Variants in ERBB4 observed in about 807,000 individuals in gnomAD.
ERBB4 encodes the protein receptor tyrosine-protein kinase erbB-4.
ERBB4 carries 42 observed loss-of-function variants against 158.0 expected under a neutral mutation model. The ratio of observed to expected loss-of-function variants is 0.27; its 90% confidence interval spans 0.21 to 0.34. ERBB4 has a LOEUF of 0.34. ERBB4 is among the 10% of genes least tolerant of loss of function. The pLI, the probability that ERBB4 is intolerant of heterozygous loss-of-function variation, is 1.00. For missense variants in ERBB4, 1,333 were observed against 1,624.1 expected, an observed-to-expected ratio of 0.82 and a Z score of 3.08; for synonymous variants, 583 against 558.7, an observed-to-expected ratio of 1.04 and a Z score of -0.61.
intron 19 of ERBB4, among the ~76,000 whole-genome samples, chr2:211,579,124 C>A (rs1273409738): frequency 6.6e-6 from 1 of 151,890 alleles, no homozygotes; most frequent in African/African-American, 2.4e-5. Context: ...AACAATCCCA[C>A]TAAAAAGTGG....
rs1457979367 is a variant in ERBB4 at position 212,301,719 on chromosome 2, C to A, written c.83-176816G>T. Among the ~76,000 whole-genome samples the A allele has an allele frequency of 4.5e-5, 6 of 133,876 alleles. No homozygotes were observed. In the East Asian group the frequency reaches 1.2e-3, roughly 26 times the overall value. 87.8% of individuals were successfully genotyped at this position (133,876 alleles called of 152,430 possible). On this transcript the variant is annotated intron_variant, in intron 1 of 27. Transcript: ENST00000342788. ...CGTTTGCACATACAATATTAATGGT[C>A]CCCCCATGCAAGTTCCCTCAGAGGT...
chr2:211,716,407 T>G, intron 7 of ERBB4, among the ~76,000 whole-genome samples: 1 of 135,728 alleles, frequency 7.4e-6, no homozygotes, highest in Non-Finnish European at 1.5e-5. Flanking sequence ...CCGGGCGCAG[T>G]GGCTCACGCC....
chr2:211,867,023 C>T (rs370168898), intron 3 of ERBB4, among the ~76,000 whole-genome samples: 2 of 19,454 alleles, frequency 1.0e-4, no homozygotes, highest in South Asian at 1.6e-3. Context: ...TTCCTTAAAA[C>T]CAAAAAAAAA....
intron 2 of ERBB4, among the ~76,000 whole-genome samples, chr2:212,119,935 T>C (rs147290855): frequency 2.4e-4 from 37 of 152,322 alleles, no homozygotes; most frequent in African/African-American, 5.5e-4. Flanking sequence ...ACTTTTGCTG[T>C]GTTCTTGAAA....
chr2:212,429,458 G>A (rs1229177386), intron 1 of ERBB4, among the ~76,000 whole-genome samples: 1 of 152,184 alleles, frequency 6.6e-6, no homozygotes, highest in Non-Finnish European at 1.5e-5. Flanking sequence ...AGTGTGGATA[G>A]CTGAGTATAT....
chr2:211,546,870 A>C (rs2066953769), intron 20 of ERBB4, among the ~76,000 whole-genome samples: 2 of 152,116 alleles, frequency 1.3e-5, no homozygotes, highest in African/African-American at 4.8e-5. Flanking sequence ...GATGTTTTAA[A>C]AATAAGTCAT....
intron 1 of ERBB4, among the ~76,000 whole-genome samples, chr2:212,333,335 A>T (rs2088270312): frequency 6.6e-6 from 1 of 151,494 alleles, no homozygotes; most frequent in African/African-American, 2.4e-5. Context: ...CCAGAAGTAG[A>T]TCTAAAACCT....
At chr2:212,196,990 CT>C (rs917616463) in intron 1 of ERBB4, among the ~76,000 whole-genome samples, 8 of 152,094 alleles carry the variant, frequency 5.3e-5, no homozygotes, top group African/African-American at 1.9e-4. Context: ...TCCCATAGAA[CT>C]GATGTCTACG....
chr2:212,084,810 T>C (rs2078554377), intron 2 of ERBB4, among the ~76,000 whole-genome samples: 1 of 151,972 alleles, frequency 6.6e-6, no homozygotes, highest in African/African-American at 2.4e-5. Context: ...TCACATTTCA[T>C]TTAAAAATAT....
At chr2:211,637,256 T>C (rs1460033237) in intron 16 of ERBB4, among the ~76,000 whole-genome samples, 1 of 151,948 alleles carries the variant, frequency 6.6e-6, no homozygotes, top group Non-Finnish European at 1.5e-5. Flanking sequence ...ATGTAGTTGA[T>C]CAAAAACCTA....
At chr2:211,622,190 T>C (rs1195919874) in intron 18 of ERBB4, among the ~76,000 whole-genome samples, 2 of 152,192 alleles carry the variant, frequency 1.3e-5, no homozygotes, top group Non-Finnish European at 2.9e-5. Context: ...ATTAAAGATG[T>C]AAATACAATT....
chr2:211,507,133 CAT>C (rs1454809945), intron 20 of ERBB4, among the ~76,000 whole-genome samples: 1 of 151,992 alleles, frequency 6.6e-6, no homozygotes, highest in African/African-American at 2.4e-5. Context: ...TTTCTGGAAA[CAT>C]ACAACCTCCC....
chr2:211,421,060 G>A (rs16846127), intron 24 of ERBB4, among the ~76,000 whole-genome samples: 41,774 of 151,776 alleles, frequency 0.28, 6,301 homozygotes, highest in South Asian at 0.55. Flanking sequence ...CATACTGACT[G>A]CATTATCAAA....
intron 14 of ERBB4, among the ~76,000 whole-genome samples, chr2:211,669,035 C>T (rs953119614): frequency 4.0e-5 from 6 of 151,656 alleles, no homozygotes; most frequent in African/African-American, 1.5e-4. Flanking sequence ...CCAACCTGGG[C>T]AACATGGTGA....
At chr2:211,868,948 CT>C (rs1239892351) in intron 3 of ERBB4, among the ~76,000 whole-genome samples, 1 of 152,164 alleles carries the variant, frequency 6.6e-6, no homozygotes, top group African/African-American at 2.4e-5. Flanking sequence ...TGATGCTTGT[CT>C]TGATTTTTTT....
At chr2:212,097,994 T>A (rs922317485) in intron 2 of ERBB4, among the ~76,000 whole-genome samples, 1 of 152,088 alleles carries the variant, frequency 6.6e-6, no homozygotes, top group African/African-American at 2.4e-5. Flanking sequence ...ATTCTCTGAT[T>A]TATGTGGTAG....
At chr2:212,135,470 A>T (rs1434910317) in intron 1 of ERBB4, among the ~76,000 whole-genome samples, 1 of 152,050 alleles carries the variant, frequency 6.6e-6, no homozygotes, top group Non-Finnish European at 1.5e-5. Context: ...ATAACAACTA[A>T]CTTATAACTG....
chr2:211,817,675 T>A (rs553311905), intron 3 of ERBB4, among the ~76,000 whole-genome samples: 28 of 152,282 alleles, frequency 1.8e-4, no homozygotes, highest in Middle Eastern at 3.4e-3. Context: ...CAGCTAAATA[T>A]GGACACATGA....
At chr2:212,426,034 T>C (rs779396824) in intron 1 of ERBB4, among the ~76,000 whole-genome samples, 8 of 152,020 alleles carry the variant, frequency 5.3e-5, no homozygotes, top group Non-Finnish European at 1.2e-4. Flanking sequence ...TGTCTTCTTA[T>C]ATCAAAAATT....
Sources: gnomAD v4.1 joint callset for allele counts (sites outside exome capture counted in the v4.1 genomes callset) on GRCh38, gnomAD v4.1.1 for gene constraint, MANE v1.5 for transcripts, NCBI Gene and HGNC (gene_info 2026-07-23, HGNC 2026-07-21) for gene names.